The following UGT1A8 variants were observed in gnomAD, a reference collection of about 807,000 sequenced individuals.
UGT1A8 encodes the protein UDP glucuronosyltransferase family 1 member A8.
A neutral mutation model predicts 45.3 loss-of-function variants in UGT1A8; 39 were observed. That is an observed-to-expected ratio of 0.86 (90% CI 0.67 to 1.12). The LOEUF (loss-of-function observed/expected upper bound fraction) is 1.12. Among genes scored for constraint, UGT1A8 ranks in the 50% most tolerant of loss-of-function variants. The pLI, the probability that UGT1A8 is intolerant of heterozygous loss-of-function variation, is 0.00. For missense variants in UGT1A8, 719 were observed against 664.9 expected, an observed-to-expected ratio of 1.08 and a Z score of -0.90; for synonymous variants, 275 against 249.2, an observed-to-expected ratio of 1.10 and a Z score of -0.97.
At chr2:233,762,380 T>C (rs1370857903) in intron 1 of UGT1A8, among the ~76,000 whole-genome samples, 1 of 152,256 alleles carries the variant, frequency 6.6e-6, no homozygotes, top group Non-Finnish European at 1.5e-5. Context: ...AATATGTATA[T>C]AGAAACATAT....
intron 1 of UGT1A8, among the ~76,000 whole-genome samples, chr2:233,720,439 A>G (rs1010293561): frequency 2.0e-5 from 3 of 152,114 alleles, no homozygotes; most frequent in African/African-American, 7.2e-5. Context: ...CCGTGAATCT[A>G]TAAGCCCAGT....
chr2:233,661,461 G>A lies in UGT1A8; in HGVS notation c.855+42899G>A, dbSNP rs535517496. 5.3e-5 allele frequency among the ~76,000 whole-genome samples: 8 copies of A among 152,204 alleles called. No homozygotes were observed. In the South Asian group the frequency reaches 1.7e-3, roughly 32 times the overall value. ...TCTTTAACCCACAGATGGAATCCTA[G>A]TTCTTTTTATCCATTAACTCTTTGA... On this transcript the variant is annotated intron_variant, in intron 1 of 4. Coordinates refer to ENST00000373450, the MANE Select transcript of UGT1A8 (RefSeq NM_019076.5).
At chr2:233,761,014 A>G (rs756396505) in intron 1 of UGT1A8, 2 of 1,614,180 alleles carry the variant, frequency 1.2e-6, no homozygotes, top group South Asian at 1.1e-5. Flanking sequence ...GAGAGAGGTG[A>G]CTGTCCAGGA....
chr2:233,717,175 A>G (rs113530832), intron 1 of UGT1A8, among the ~76,000 whole-genome samples: 4 of 152,334 alleles, frequency 2.6e-5, no homozygotes, highest in African/African-American at 7.2e-5. Flanking sequence ...GAATGTGGCA[A>G]GAGCACCCTC....
chr2:233,623,563 A>T (rs2073048485), intron 1 of UGT1A8, among the ~76,000 whole-genome samples: 1 of 152,152 alleles, frequency 6.6e-6, no homozygotes, highest in Non-Finnish European at 1.5e-5. Flanking sequence ...AATTAAATAT[A>T]AAAAATAAGA....
chr2:233,623,623 A>C (rs1017627996), intron 1 of UGT1A8, among the ~76,000 whole-genome samples: 1 of 152,132 alleles, frequency 6.6e-6, no homozygotes, highest in African/African-American at 2.4e-5. Flanking sequence ...TGACAGTAAA[A>C]ATTTTTTAAT....
At chr2:233,654,825 C>T (rs1267737788) in intron 1 of UGT1A8, among the ~76,000 whole-genome samples, 4 of 152,210 alleles carry the variant, frequency 2.6e-5, no homozygotes, top group African/African-American at 7.2e-5. Context: ...AGCACAGTGG[C>T]TCACGCCTGT....
intron 1 of UGT1A8, chr2:233,755,386 C>T (rs879759511): frequency 8.4e-5 from 29 of 346,256 alleles, no homozygotes; most frequent in South Asian, 2.1e-4. Flanking sequence ...CCCCTTATGA[C>T]GCAGCCACAT....
intron 1 of UGT1A8, chr2:233,637,512 T>G (rs1386101343): frequency 1.4e-6 from 2 of 1,471,440 alleles, no homozygotes; most frequent in East Asian, 2.3e-5. Context: ...AATTATTTTG[T>G]GCGAATTCAT....
At chr2:233,763,134 A>G (rs1698246018) in intron 1 of UGT1A8, among the ~76,000 whole-genome samples, 1 of 152,210 alleles carries the variant, frequency 6.6e-6, no homozygotes, top group African/African-American at 2.4e-5. Flanking sequence ...GCATTTATTG[A>G]TATAACCATA....
intron 1 of UGT1A8, chr2:233,713,506 T>C: frequency 6.2e-7 from 1 of 1,613,972 alleles, no homozygotes; most frequent in Non-Finnish European, 8.5e-7. Flanking sequence ...GCTGTGTTTT[T>C]CTTGAGGAAC....
chr2:233,766,877 C>G (rs3213726), intron 1 of UGT1A8, among the ~76,000 whole-genome samples, 157 bp from the exon 2 acceptor site: 1 of 152,336 alleles, frequency 6.6e-6, no homozygotes, highest in Non-Finnish European at 1.5e-5. Context: ...GAGGAAAATG[C>G]TGTAAAACTT....
intron 1 of UGT1A8, among the ~76,000 whole-genome samples, chr2:233,676,679 C>G (rs2074368007): frequency 6.6e-6 from 1 of 152,148 alleles, no homozygotes; most frequent in South Asian, 2.1e-4. Context: ...CAGTCCTAGT[C>G]AGGTGTCCTG....
At chr2:233,652,317 T>C (rs2125477648) in intron 1 of UGT1A8, among the ~76,000 whole-genome samples, 1 of 152,380 alleles carries the variant, frequency 6.6e-6, no homozygotes, top group Admixed American at 6.5e-5. Flanking sequence ...GACTACAGTG[T>C]AATGAGCACC....
intron 1 of UGT1A8, among the ~76,000 whole-genome samples, chr2:233,655,665 A>G (rs577273232): frequency 1.3e-5 from 2 of 152,272 alleles, no homozygotes; most frequent in African/African-American, 4.8e-5. Flanking sequence ...GGGGTGGGTG[A>G]TCACTGTCCT....
At chr2:233,689,411 C>G (rs1415837333) in intron 1 of UGT1A8, among the ~76,000 whole-genome samples, 1 of 152,188 alleles carries the variant, frequency 6.6e-6, no homozygotes, top group Admixed American at 6.5e-5. Context: ...GACCCAATCT[C>G]TCTAATGGCT....
chr2:233,747,437 C>A, intron 1 of UGT1A8: 2 of 1,608,846 alleles, frequency 1.2e-6, no homozygotes, highest in Non-Finnish European at 1.7e-6. Flanking sequence ...AGAAATTTTT[C>A]ACCCTGACAA....
chr2:233,678,440 G>A (rs2074417230), intron 1 of UGT1A8, among the ~76,000 whole-genome samples: 1 of 152,206 alleles, frequency 6.6e-6, no homozygotes, highest in Admixed American at 6.5e-5. Context: ...AGGCAGAAGA[G>A]GTAGAGGAGG....
chr2:233,718,176 T>C (rs1244111722), intron 1 of UGT1A8: 1 of 237,604 alleles, frequency 4.2e-6, no homozygotes, highest in Non-Finnish European at 8.5e-6. Flanking sequence ...TCATCACATC[T>C]TGAGCTCAGC....
Sources: allele counts gnomAD v4.1 joint callset (sites outside exome capture counted in the v4.1 genomes callset), GRCh38; gene constraint gnomAD v4.1.1; transcripts MANE v1.5; gene names NCBI Gene and HGNC (gene_info 2026-07-23, HGNC 2026-07-21).